SLC4A8: variants seen among roughly 807,000 people sequenced by gnomAD.
SLC4A8 encodes the protein electroneutral sodium bicarbonate exchanger 1.
In SLC4A8, 40 loss-of-function variants were observed where a neutral mutation model predicts 125.0. The observed-to-expected ratio is 0.32, with a 90% CI of 0.25 to 0.42. The LOEUF (loss-of-function observed/expected upper bound fraction) is 0.42. SLC4A8 is among the 10% of genes least tolerant of loss of function. SLC4A8 has a pLI of 1.00. For missense variants in SLC4A8, 863 were observed against 1,355.1 expected, an observed-to-expected ratio of 0.64 and a Z score of 5.70; for synonymous variants, 456 against 476.0, an observed-to-expected ratio of 0.96 and a Z score of 0.55.
intron 1 of SLC4A8, among the ~76,000 whole-genome samples, chr12:51,399,309 T>C (rs1161382183): frequency 1.3e-5 from 2 of 152,158 alleles, no homozygotes; most frequent in African/African-American, 2.4e-5. Context: ...CTCAAAAGTA[T>C]AGTGAAGAGG....
intron 5 of SLC4A8, 136 bp from the exon 6 acceptor site, chr12:51,457,215 C>A: frequency 1.9e-6 from 1 of 539,324 alleles, no homozygotes; most frequent in Non-Finnish European, 3.2e-6. Context: ...AGACAGGAAG[C>A]TGAAATTGCA....
At chr12:51,412,941 G>T (rs899918907) in intron 1 of SLC4A8, among the ~76,000 whole-genome samples, 14 of 151,730 alleles carry the variant, frequency 9.2e-5, no homozygotes. Context: ...CCAGTGATCA[G>T]ATTGCTGGAT....
chr12:51,461,656 C>CT (rs1265537904), intron 9 of SLC4A8: 1 of 217,500 alleles, frequency 4.6e-6, no homozygotes, highest in Non-Finnish European at 9.3e-6. Context: ...TCCTGTTCCA[C>CT]TAAATGAGAC....
rs33965654 is a variant in SLC4A8, at chr12:51,432,410, CA to C, written c.48+7393del. 9.8e-4 allele frequency among the ~76,000 whole-genome samples: 90 copies of C among 92,036 alleles called. 2 individuals carry two copies. The highest frequency in any genetic ancestry group is 0.016 in the Middle Eastern group (2 of 128). The allele number at this position is 92,036 out of a possible 152,430, so 60.4% of individuals were successfully genotyped here. A position where few individuals can be genotyped will look rare whatever the true frequency, so the allele number is the denominator to read the frequency against. On this transcript the variant is annotated intron_variant, in intron 1 of 24. Coordinates refer to ENST00000453097, the MANE Select transcript of SLC4A8 (RefSeq NM_001039960.3). ...TGGGCGACAGAGCGAGACTCCGCCT[CA>C]AAAAAAAAAAAAAAAAAGAAACCCT...
chr12:51,511,101 C>T lies in SLC4A8; in HGVS notation c.*3663C>T, dbSNP rs1159689496. 6.6e-6 allele frequency: 1 copy of T among 152,128 alleles called. No homozygotes were observed. Among genetic ancestry groups the T allele is most frequent in the Non-Finnish European group, 1.5e-5 (1 of 68,026 alleles). 9.4% of individuals were successfully genotyped at this position (152,128 alleles called of 1,614,324 possible). On this transcript the variant is annotated 3_prime_UTR_variant, in exon 25 of 25. Transcript: ENST00000453097. Reference sequence around the variant, plus strand: ...TCATCTGTGAATGTTGATTGGCCAACCTGTCTGAGCTTTCAGCAGATGCAT... The same window carrying T: ...TCATCTGTGAATGTTGATTGGCCAATCTGTCTGAGCTTTCAGCAGATGCAT...
At chr12:51,453,149 A>G in intron 4 of SLC4A8, among the ~76,000 whole-genome samples, 1 of 152,394 alleles carries the variant, frequency 6.6e-6, no homozygotes, top group Admixed American at 6.5e-5. Context: ...TCCAAATGAT[A>G]TAGATTAAAT....
chr12:51,410,876 C>CTTTT (rs58043742), intron 1 of SLC4A8, among the ~76,000 whole-genome samples: 10 of 117,316 alleles, frequency 8.5e-5, no homozygotes, highest in Admixed American at 1.7e-4. Flanking sequence ...CTTTTCTTTT[C>CTTTT]TTTTTTTTTT....
chr12:51,480,609 A>G, intron 16 of SLC4A8: 1 of 985,420 alleles, frequency 1.0e-6, no homozygotes, highest in Non-Finnish European at 1.2e-6. Context: ...TGGAAAACAT[A>G]ATGTGTCAAA....
intron 1 of SLC4A8, among the ~76,000 whole-genome samples, chr12:51,427,083 C>A (rs990326473): frequency 6.6e-6 from 1 of 151,798 alleles, no homozygotes; most frequent in African/African-American, 2.4e-5. Flanking sequence ...CGACTACAGG[C>A]GCCTTCCACC....
intron 1 of SLC4A8, 97 bp downstream of exon 1, chr12:51,425,132 C>T: frequency 6.8e-7 from 1 of 1,472,940 alleles, no homozygotes; most frequent in Non-Finnish European, 9.0e-7. Context: ...GCCCAGGCTT[C>T]CCAGGCCGCT....
chr12:51,468,907 C>G (rs928001711), intron 11 of SLC4A8, among the ~76,000 whole-genome samples: 48 of 152,224 alleles, frequency 3.2e-4, no homozygotes, highest in African/African-American at 1.2e-3. Context: ...ACTCTCACCT[C>G]TAAGTGTCAC....
chr12:51,460,658 A>G (rs1424088237), intron 8 of SLC4A8, among the ~76,000 whole-genome samples: 2 of 152,194 alleles, frequency 1.3e-5, no homozygotes, highest in East Asian at 1.9e-4. Context: ...CCTTTGCACA[A>G]TTCTGGCATG....
At chr12:51,441,369 A>G (rs1049808866) in intron 2 of SLC4A8, among the ~76,000 whole-genome samples, 2 of 152,178 alleles carry the variant, frequency 1.3e-5, no homozygotes, top group African/African-American at 2.4e-5. Flanking sequence ...AAGAAGAGGC[A>G]TTTTGGATGA....
At chr12:51,409,013 G>T (rs1436561169) in intron 1 of SLC4A8, among the ~76,000 whole-genome samples, 3 of 145,426 alleles carry the variant, frequency 2.1e-5, no homozygotes, top group African/African-American at 7.8e-5. Context: ...AGTGAAAGGA[G>T]AATTAGCATA....
intron 22 of SLC4A8, among the ~76,000 whole-genome samples, chr12:51,499,164 G>T (rs1937726642): frequency 6.6e-6 from 1 of 152,114 alleles, no homozygotes; most frequent in Admixed American, 6.6e-5. Context: ...CTGGGCGAAA[G>T]AACAAGACTT....
At chr12:51,441,134 A>G (rs1189391325) in intron 2 of SLC4A8, 1 of 1,001,030 alleles carries the variant, frequency 1.0e-6, no homozygotes, top group Non-Finnish European at 1.2e-6. Flanking sequence ...ACAAATAAAT[A>G]CAAAACTTAA....
intron 11 of SLC4A8, among the ~76,000 whole-genome samples, chr12:51,463,928 G>T (rs1159813525): frequency 6.6e-6 from 1 of 152,038 alleles, no homozygotes; most frequent in South Asian, 2.1e-4. Flanking sequence ...ACCATGTTTT[G>T]TCTCACCTCC....
At position 51,419,823 on chromosome 12, in the gene SLC4A8, T is replaced by C. The variant is rs893889602; in HGVS notation, c.-111-20885T>C. ...CTCTCAGTTTGGAGCAAAGTGTAAC[T>C]GAGTGTGGTGTAACGAAGTTCTGTG... On this transcript the variant is annotated intron_variant, in intron 1 of 24. Coordinates refer to the SLC4A8 transcript ENST00000358657. Among the ~76,000 whole-genome samples the C allele has an allele frequency of 7.9e-5, 12 of 152,232 alleles. 1 individual carries two copies. The highest frequency in any genetic ancestry group is 7.2e-4 in the Admixed American group (11 of 15,282).
rs769819673 is a variant in SLC4A8, at chr12:51,475,189, C to T, written c.2155C>T (p.Arg719Cys). 1.3e-5 allele frequency: 21 copies of T among 1,613,960 alleles called. No homozygotes were observed. Among genetic ancestry groups the T allele is most frequent in the Admixed American group, 1.7e-5 (1 of 59,992 alleles). ...CACCTTAAAGACGTTTAAGACGAGCCGTTATTTCCCAACCAGAGTAGGTAG... is the reference window on the plus strand; with the variant it reads ...CACCTTAAAGACGTTTAAGACGAGCTGTTATTTCCCAACCAGAGTAGGTAG... ...SSTLKTFKTSRYFPTRVRSMV... is the reference protein window; with the variant it reads ...SSTLKTFKTSCYFPTRVRSMV... The change falls in exon 16 of 25, where the codon CGT becomes TGT. Residue 719 changes from arginine (R) to cysteine (C), a missense_variant. By Grantham distance (180) the Arg-to-Cys change is radical. This residue lies in a region of SLC4A8 where 197 missense variants were observed against 377.7 expected (regional missense o/e 0.52). Transcript: ENST00000453097.
Sources: allele counts gnomAD v4.1 joint callset (sites outside exome capture counted in the v4.1 genomes callset), GRCh38; gene constraint gnomAD v4.1.1; regional missense constraint gnomAD v4.1.1; transcripts MANE v1.5; gene names NCBI Gene and HGNC (gene_info 2026-07-23, HGNC 2026-07-21).